Variants in ZC3H11A observed in about 807,000 individuals in gnomAD.
ZC3H11A encodes the protein zinc finger CCCH domain-containing protein 11A.
In ZC3H11A, 22 loss-of-function variants were observed where a neutral mutation model predicts 90.8. The ratio of observed to expected loss-of-function variants is 0.24; its 90% CI spans 0.17 to 0.35. The LOEUF (loss-of-function observed/expected upper bound fraction) is 0.35. ZC3H11A is among the 10% of genes least tolerant of loss of function. The probability of loss-of-function intolerance (pLI) is 1.00; values close to 1 mark genes in which losing one functional copy is unlikely to be tolerated. For missense variants in ZC3H11A, 701 were observed against 964.9 expected (o/e 0.73, Z 3.62); for synonymous variants, 294 against 339.8 (o/e 0.87, Z 1.48).
chr1:203,808,535 A>G (rs1673144963), intron 2 of ZC3H11A, among the ~76,000 whole-genome samples: 1 of 152,204 alleles, frequency 6.6e-6, no homozygotes, highest in African/African-American at 2.4e-5. Context: ...TAATCTCTAC[A>G]AATTCCATTC....
chr1:203,812,578 A>ATTTTTTTTTTTTTTTTTTTTTTT (rs386369376), intron 2 of ZC3H11A, among the ~76,000 whole-genome samples: 1 of 109,316 alleles, frequency 9.1e-6, no homozygotes, highest in Non-Finnish European at 1.8e-5. Flanking sequence ...GCCATTCTAA[A>ATTTTTTTTTTTTTTTTTTTTTTT]TTTTTTTTTT....
chr1:203,797,332 G>A (rs1027777341), intron 1 of ZC3H11A: 5 of 507,906 alleles, frequency 9.8e-6, no homozygotes, highest in South Asian at 3.2e-5. Context: ...GAAAGAGTTC[G>A]GGAATGTTCT....
In ZC3H11A at chr1:203,850,526, G is replaced by A. The variant is rs147577711; in HGVS notation, c.1951G>A (p.Val651Met). 144 of 1,613,932 alleles carry A rather than the reference G, an allele frequency of 8.9e-5. No individual in the cohort carries two copies. In the African/African-American group the frequency reaches 1.5e-3, roughly 17 times the overall value. ...LEKRGKAKPK[V>M]NVKPSVVKVV... ...TCTGCCCTTTGTAGCTAAACCCAAAGTGAACGTGAAGCCATCTGTGGTTAA... is the reference window on the plus strand; with the variant it reads ...TCTGCCCTTTGTAGCTAAACCCAAAATGAACGTGAAGCCATCTGTGGTTAA... Residue 651 changes from valine (V) to methionine (M), a missense_variant, in exon 16 of 18, where the codon GTG becomes ATG. Coordinates refer to ENST00000367210, the MANE Select transcript of ZC3H11A (RefSeq NM_001376342.1).
In ZC3H11A at chr1:203,802,292, G is replaced by A. The variant is rs138419531; in HGVS notation, c.-870G>A. 6.9e-3 allele frequency: 1,054 copies of A among 152,634 alleles called. 6 individuals are homozygous for A. Among genetic ancestry groups the A allele is most frequent in the Middle Eastern group, 0.02 (6 of 294 alleles). The allele number at this position is 152,634 out of a possible 1,614,324, so 9.5% of individuals were successfully genotyped here. On this transcript the variant is annotated 5_prime_UTR_variant, in exon 2 of 18. It adds an upstream start codon to the 5' untranslated region. Coordinates refer to ENST00000367210, the MANE Select transcript of ZC3H11A (RefSeq NM_001376342.1). ...TATTTTGTGGGCTGGGCAAAATTTA[G>A]TGTAACAATAACTTCATGATACTTT... is the stretch of plus-strand genomic sequence containing the variant.
chr1:203,848,473 C>T, intron 14 of ZC3H11A, 66 bp downstream of exon 14: 1 of 1,245,144 alleles, frequency 8.0e-7, no homozygotes, highest in Non-Finnish European at 1.1e-6. Flanking sequence ...GGTAGTTTTA[C>T]CTTACAATAA....
intron 10 of ZC3H11A, 53 bp downstream of exon 10, chr1:203,833,906 A>G (rs918753892): frequency 4.5e-6 from 7 of 1,562,008 alleles, no homozygotes; most frequent in African/African-American, 1.4e-5. Context: ...GTGCATTAAC[A>G]TGATAGCTTC....
chr1:203,803,213 C>T (rs553294821), intron 2 of ZC3H11A, among the ~76,000 whole-genome samples, 197 bp downstream of exon 2: 8 of 151,764 alleles, frequency 5.3e-5, no homozygotes, highest in East Asian at 3.9e-4. Context: ...TTTTTGGAGA[C>T]GGAGTTTTAC....
chr1:203,813,358 C>T (rs1447560600), intron 2 of ZC3H11A, among the ~76,000 whole-genome samples: 1 of 152,090 alleles, frequency 6.6e-6, no homozygotes, highest in East Asian at 1.9e-4. Flanking sequence ...AGGCATTCAC[C>T]ACCATGCCTG....
intron 1 of ZC3H11A, chr1:203,798,607 A>G (rs1428605208): frequency 6.5e-7 from 1 of 1,536,126 alleles, no homozygotes; most frequent in Non-Finnish European, 8.7e-7. Flanking sequence ...ACAGCTGAGG[A>G]CCTTAGTGAC....
At chr1:203,828,793 A>G (rs993975081) in intron 5 of ZC3H11A, among the ~76,000 whole-genome samples, 4 of 152,202 alleles carry the variant, frequency 2.6e-5, no homozygotes, top group Non-Finnish European at 4.4e-5. Flanking sequence ...CATATTTTCT[A>G]TTATCAGTTT....
rs74467169 is a variant in ZC3H11A, at chr1:203,847,729, A to G, written c.1546+42A>G. 4.9e-4 allele frequency: 771 copies of G among 1,587,080 alleles called. 7 individuals carry two copies. In the East Asian group the frequency reaches 0.013, roughly 26 times the overall value. On this transcript the variant is annotated intron_variant, in intron 13 of 17. Transcript: ENST00000367210. ...GTCTCTAGTACCACGTCCCCACATA[A>G]TATTCCAGAGGAGTGTTCCGTGGGA...
At chr1:203,830,683 C>T (rs1350077218) in intron 8 of ZC3H11A, among the ~76,000 whole-genome samples, 1 of 152,116 alleles carries the variant, frequency 6.6e-6, no homozygotes. Flanking sequence ...GTGGCATGCA[C>T]CTGTAGTCCC....
At chr1:203,806,665 G>C (rs1016926717) in intron 2 of ZC3H11A, among the ~76,000 whole-genome samples, 1 of 152,138 alleles carries the variant, frequency 6.6e-6, no homozygotes, top group African/African-American at 2.4e-5. Context: ...AGATGGTGAA[G>C]ACTGTTGAAT....
chr1:203,849,752 A>G lies in ZC3H11A; in HGVS notation c.1665A>G (p.Gln555=). The G allele has an allele frequency of 6.2e-7, 1 of 1,614,000 alleles. No homozygotes were observed. The highest frequency in any genetic ancestry group is 8.5e-7 in the Non-Finnish European group (1 of 1,179,882). The stretch of plus-strand genomic sequence containing the variant: ...CAGGAGTTGACATCACTAAAATTCA[A>G]GTCAAGAGATGTGAGACCATGAGAG... The part of the protein sequence containing the change: ...ETTGVDITKI[Q]VKRCETMREK... The change falls in exon 15 of 18, where the codon CAA becomes CAG. Residue 555 remains glutamine (Q), a synonymous_variant. Transcript: ENST00000367210.
chr1:203,850,948 A>C, intron 16 of ZC3H11A, 109 bp from the exon 17 acceptor site: 1 of 1,323,316 alleles, frequency 7.6e-7, no homozygotes, highest in Non-Finnish European at 1.1e-6. Flanking sequence ...TTAGATTCAC[A>C]GGCTTAAAGA....
At chr1:203,830,509 G>T (rs1456477858) in intron 8 of ZC3H11A, among the ~76,000 whole-genome samples, 2 of 152,130 alleles carry the variant, frequency 1.3e-5, no homozygotes, top group African/African-American at 4.8e-5. Context: ...TGGTTAAAAA[G>T]AAATTATATT....
chr1:203,809,331 G>C (rs1673535389), intron 2 of ZC3H11A, among the ~76,000 whole-genome samples: 1 of 151,444 alleles, frequency 6.6e-6, no homozygotes, highest in South Asian at 2.1e-4. Flanking sequence ...GCACACTACC[G>C]TGCCCGGCTA....
At chr1:203,830,307 C>A in intron 8 of ZC3H11A, 104 bp downstream of exon 8, 1 of 876,652 alleles carries the variant, frequency 1.1e-6, no homozygotes, top group Non-Finnish European at 1.8e-6. Context: ...ATTTTCATTT[C>A]CATGGCCTGT....
intron 12 of ZC3H11A, among the ~76,000 whole-genome samples, chr1:203,841,760 G>A (rs1572296932): frequency 6.6e-6 from 1 of 151,570 alleles, no homozygotes; most frequent in Non-Finnish European, 1.5e-5. Flanking sequence ...CCTCCCAGAC[G>A]GGGCAGTGGC....
Sources: gnomAD v4.1 joint callset for allele counts (sites outside exome capture counted in the v4.1 genomes callset) on GRCh38, gnomAD v4.1.1 for gene constraint, MANE v1.5 for transcripts, NCBI Gene and HGNC (gene_info 2026-07-23, HGNC 2026-07-21) for gene names.